The following SMARCA4 variants were observed in gnomAD, a reference collection of about 807,000 sequenced individuals.
The protein encoded by SMARCA4 is SWI/SNF-related matrix-associated actin-dependent regulator of chromatin subfamily A member 4.
Under a neutral mutation model 193.9 loss-of-function variants are expected in SMARCA4, and 31 were observed. That is an observed-to-expected ratio of 0.16 (90% CI 0.12 to 0.22). The LOEUF (loss-of-function observed/expected upper bound fraction) is 0.22, where lower values mean the gene tolerates loss of function less well. SMARCA4 is among the 10% of genes least tolerant of loss of function. The pLI is 1.00. For missense variants in SMARCA4, 1,148 were observed against 2,296.0 expected, an observed-to-expected ratio of 0.50 and a Z score of 10.22; for synonymous variants, 942 against 933.1, an observed-to-expected ratio of 1.01 and a Z score of -0.17.
rs1276831026 is a variant in SMARCA4, at chr19:11,041,029, A to AAGAT, written c.4171-275_4171-272dup. 1 of 488,904 alleles carries AAGAT rather than the reference A, an allele frequency of 2.0e-6. No homozygotes were observed. Among genetic ancestry groups the AAGAT allele is most frequent in the East Asian group, 3.5e-5 (1 of 28,758 alleles). The allele number at this position is 488,904 out of a possible 1,614,324, so 30.3% of individuals were successfully genotyped here. A position where few individuals can be genotyped will look rare whatever the true frequency, so the allele number is the denominator to read the frequency against. ...GGAGCACGTTCTTTTCTGTACAGAGAAGATAGTTCTTTTTTTTTGGTCAAG... is the reference window on the plus strand; with the variant it reads ...GGAGCACGTTCTTTTCTGTACAGAGAAGATAGATAGTTCTTTTTTTTTGGTCAAG... On this transcript the variant is annotated intron_variant, in intron 29 of 34. Transcript: ENST00000344626. This position sits in a 1 kb window ranked among gnomAD's most constrained non-coding sequence, Gnocchi z 5.6.
At chr19:11,053,652 G>A (rs1845745584) in intron 30 of SMARCA4, among the ~76,000 whole-genome samples, 1 of 152,022 alleles carries the variant, frequency 6.6e-6, no homozygotes. Context: ...ACTCACACCT[G>A]TAATTCCAGT....
In SMARCA4 at chr19:10,984,406, G is replaced by A. The variant is rs750921414; in HGVS notation, c.222+33G>A. 4 of 1,554,536 alleles carry A rather than the reference G, an allele frequency of 2.6e-6. No homozygotes were observed. Among genetic ancestry groups the A allele is most frequent in the Middle Eastern group, 1.8e-4 (1 of 5,528 alleles). ...TCCCTGTGCCCGCCTCGCACCTGCG[G>A]CCTCTGCCCACTAGGGCTGCAGGCA... On this transcript the variant is annotated intron_variant, in intron 2 of 34. Coordinates refer to ENST00000344626, the MANE Select transcript of SMARCA4 (RefSeq NM_003072.5). The surrounding 1 kb of genome is among the most constrained non-coding windows in gnomAD (Gnocchi z 4.3).
chr19:11,055,949 C>T (rs995391770), intron 30 of SMARCA4, among the ~76,000 whole-genome samples: 5 of 151,836 alleles, frequency 3.3e-5, no homozygotes, highest in African/African-American at 9.7e-5. Context: ...AAGAGACTAT[C>T]GCATTGGGGT....
At chr19:11,048,162 T>G (rs1019014930) in intron 30 of SMARCA4, among the ~76,000 whole-genome samples, 4 of 152,154 alleles carry the variant, frequency 2.6e-5, no homozygotes, top group African/African-American at 9.7e-5. Flanking sequence ...AGCTCACTTT[T>G]TTGTCTCCAA....
chr19:11,029,359 CA>C (rs2090481841), intron 24 of SMARCA4, among the ~76,000 whole-genome samples: 1 of 152,260 alleles, frequency 6.6e-6, no homozygotes, highest in African/African-American at 2.4e-5. Flanking sequence ...TCCATAAGGA[CA>C]AGGACTTTGG....
At chr19:10,976,752 T>TC (rs2085158475) in intron 1 of SMARCA4, among the ~76,000 whole-genome samples, 4 of 81,146 alleles carry the variant, frequency 4.9e-5, no homozygotes, top group East Asian at 5.4e-4. Flanking sequence ...AGACCCTGTC[T>TC]CAAAAAAAAA....
At chr19:11,014,895 C>G (rs1292705276) in intron 16 of SMARCA4, among the ~76,000 whole-genome samples, 1 of 151,958 alleles carries the variant, frequency 6.6e-6, no homozygotes, top group East Asian at 1.9e-4. Context: ...TCACTGCAAC[C>G]TCTGCCTCCT....
intron 1 of SMARCA4, among the ~76,000 whole-genome samples, chr19:10,969,175 G>A (rs1030870008): frequency 1.3e-5 from 2 of 152,190 alleles, no homozygotes; most frequent in African/African-American, 4.8e-5. Context: ...AAGAACCAGG[G>A]GCTGAACCCC....
At chr19:11,048,690 C>T (rs987991479) in intron 30 of SMARCA4, among the ~76,000 whole-genome samples, 1 of 152,130 alleles carries the variant, frequency 6.6e-6, no homozygotes, top group Non-Finnish European at 1.5e-5. Flanking sequence ...GGGGCCAGAC[C>T]CTTTTGGAGA....
Position 10,987,545 on chromosome 19 carries a change from G to A in SMARCA4, c.860-121G>A. On this transcript the variant is annotated intron_variant, in intron 5 of 34. Coordinates refer to ENST00000344626, the MANE Select transcript of SMARCA4 (RefSeq NM_003072.5). This position sits in a 1 kb window ranked among gnomAD's most constrained non-coding sequence, Gnocchi z 5.3. Reference sequence around the variant, plus strand: ...TGTGAAGGACACCCCTGGGTGAAAGGTGGGAGATGGGCGGGGTCTGCCTGT... The same window carrying A: ...TGTGAAGGACACCCCTGGGTGAAAGATGGGAGATGGGCGGGGTCTGCCTGT... 2 of 1,130,502 alleles carry A rather than the reference G, an allele frequency of 1.8e-6. No homozygotes were observed. The allele number at this position is 1,130,502 out of a possible 1,614,324, so 70.0% of individuals were successfully genotyped here.
At chr19:10,962,103 C>T (rs1252816674) in intron 1 of SMARCA4, among the ~76,000 whole-genome samples, 1 of 151,134 alleles carries the variant, frequency 6.6e-6, no homozygotes, top group African/African-American at 2.4e-5. Context: ...AAGCTTGATT[C>T]CTGGTGCTGT....
rs1186671098 is a variant in SMARCA4 at position 11,019,174 on chromosome 19, A to G, written c.2505+151A>G. 1.5e-5 allele frequency: 11 copies of G among 721,198 alleles called. No homozygotes were observed. Among genetic ancestry groups the G allele is most frequent in the Non-Finnish European group, 2.5e-5 (10 of 397,392 alleles). 44.7% of individuals were successfully genotyped at this position (721,198 alleles called of 1,614,324 possible). ...CAGGACAGCCTGGAACTCCAGTCACATGGATCCGGGAGTTTGGACTGGGCA... is the reference window on the plus strand; with the variant it reads ...CAGGACAGCCTGGAACTCCAGTCACGTGGATCCGGGAGTTTGGACTGGGCA... On this transcript the variant is annotated intron_variant, in intron 17 of 34. Coordinates refer to ENST00000344626, the MANE Select transcript of SMARCA4 (RefSeq NM_003072.5). This position sits in a 1 kb window ranked among gnomAD's most constrained non-coding sequence, Gnocchi z 6.1.
intron 32 of SMARCA4, among the ~76,000 whole-genome samples, chr19:11,059,438 G>A (rs1431261762): frequency 1.3e-5 from 2 of 152,258 alleles, no homozygotes; most frequent in Admixed American, 1.3e-4. Flanking sequence ...CAAGGGGCAT[G>A]TATTTCCAAT....
intron 1 of SMARCA4, among the ~76,000 whole-genome samples, chr19:10,966,755 G>T (rs1240353197): frequency 6.6e-6 from 1 of 152,164 alleles, no homozygotes; most frequent in Non-Finnish European, 1.5e-5. Context: ...GGGCATGGTG[G>T]TGTGCGCCTG....
At chr19:10,982,946 C>T (rs1450821957) in intron 1 of SMARCA4, among the ~76,000 whole-genome samples, 4 of 152,140 alleles carry the variant, frequency 2.6e-5, no homozygotes, top group Non-Finnish European at 5.9e-5. Context: ...GACAGATTTG[C>T]GACATGCTTA....
At chr19:10,965,954 T>C (rs1164539024) in intron 1 of SMARCA4, among the ~76,000 whole-genome samples, 1 of 144,574 alleles carries the variant, frequency 6.9e-6, no homozygotes, top group African/African-American at 2.6e-5. Context: ...AAAGGGAGAG[T>C]GTGTTTAGTG....
rs1248773259 is a variant in SMARCA4, at chr19:11,023,461, C to G, written c.2860-57C>G. The G allele has an allele frequency of 3.6e-6, 4 of 1,106,962 alleles. No homozygotes were observed. The African/African-American group carries it at 6.1e-5, about 17-fold the overall frequency. 68.6% of individuals were successfully genotyped at this position (1,106,962 alleles called of 1,614,324 possible). On this transcript the variant is annotated intron_variant, in intron 19 of 34. Coordinates refer to ENST00000344626, the MANE Select transcript of SMARCA4 (RefSeq NM_003072.5). ...CCCACATCCGCACCTTCTAGTGAGA[C>G]CTCTGTCGCCCTCCTTTGGAGGTAA...
rs2146540759 is a variant in SMARCA4, at chr19:11,027,778, C to T, written c.3216-6C>T. 1 of 1,614,052 alleles carries T rather than the reference C, an allele frequency of 6.2e-7. No individual in the cohort carries two copies. The highest frequency in any genetic ancestry group is 1.1e-5 in the South Asian group (1 of 91,090). On this transcript the variant is annotated splice_region_variant and splice_polypyrimidine_tract_variant and intron_variant, in intron 23 of 34. Transcript: ENST00000344626. ...CGCCTTCTCTCCTGCCTCCTCCACACTCCAGGCTGGACCTGTACCGAGCCT... is the reference window on the plus strand; with the variant it reads ...CGCCTTCTCTCCTGCCTCCTCCACATTCCAGGCTGGACCTGTACCGAGCCT...
chr19:11,009,376 A>G (rs2088591125), intron 14 of SMARCA4, among the ~76,000 whole-genome samples: 1 of 152,118 alleles, frequency 6.6e-6, no homozygotes, highest in African/African-American at 2.4e-5. Flanking sequence ...CCTAAGTTTT[A>G]ACAGCTCTGG....
Sources: gnomAD v4.1 joint callset for allele counts (sites outside exome capture counted in the v4.1 genomes callset) on GRCh38, gnomAD v4.1.1 for gene constraint, Gnocchi (gnomAD v3.1) non-coding constraint, MANE v1.5 for transcripts, NCBI Gene and HGNC (gene_info 2026-07-23, HGNC 2026-07-21) for gene names.